The following CEP135 variants were observed in gnomAD, a reference collection of about 807,000 sequenced individuals.
CEP135 encodes the protein centrosomal protein of 135 kDa.
CEP135 carries 142 observed loss-of-function variants against 157.3 expected under a neutral mutation model. The observed-to-expected ratio is 0.90, with a 90% CI of 0.79 to 1.04. CEP135 has a LOEUF of 1.04. Among genes scored for constraint, CEP135 ranks in the 50% least tolerant of loss-of-function variants. CEP135 has a pLI of 0.00. For synonymous variants in CEP135, 396 were observed against 439.8 expected (o/e 0.90, Z 1.25); for missense variants, 1,317 against 1,309.2 (o/e 1.01, Z -0.09).
intron 3 of CEP135, among the ~76,000 whole-genome samples, chr4:55,953,652 A>G (rs1009526633): frequency 2.6e-5 from 4 of 152,246 alleles, no homozygotes; most frequent in African/African-American, 9.6e-5. Flanking sequence ...TTTAGAATTA[A>G]AAATTTAATT....
Position 55,983,726 on chromosome 4 carries a change from T to C in CEP135, c.1780-1555T>C, listed in dbSNP as rs1729485898. On this transcript the variant is annotated intron_variant, in intron 13 of 25. Coordinates refer to ENST00000257287, the MANE Select transcript of CEP135 (RefSeq NM_025009.5). ...TTAGTAGAGACAGGGTTTCATCATA[T>C]TGGCCAGCTGGTCTCAAACCCCTGA... Among the ~76,000 whole-genome samples the C allele has an allele frequency of 3.3e-5, 5 of 152,148 alleles. No homozygotes were observed. The South Asian group carries it at 6.2e-4, about 19-fold the overall frequency.
intron 21 of CEP135, among the ~76,000 whole-genome samples, chr4:56,014,111 G>A (rs1730686026): frequency 6.6e-6 from 1 of 152,162 alleles, no homozygotes; most frequent in South Asian, 2.1e-4. Context: ...GCCAACACCT[G>A]AATTTTGGAC....
At chr4:55,961,423 ACATATTC>A (rs1304391333) in intron 6 of CEP135, among the ~76,000 whole-genome samples, 1 of 152,088 alleles carries the variant, frequency 6.6e-6, no homozygotes, top group Non-Finnish European at 1.5e-5. Flanking sequence ...CTTTCTCAGC[ACATATTC>A]CAGATTTTGC....
chr4:55,976,080 T>A (rs1729202798), intron 11 of CEP135, among the ~76,000 whole-genome samples: 1 of 151,868 alleles, frequency 6.6e-6, no homozygotes, highest in African/African-American at 2.4e-5. Context: ...TGAGATGCCA[T>A]CTCTACAAAA....
intron 21 of CEP135, among the ~76,000 whole-genome samples, chr4:56,012,851 A>C (rs1252704594): frequency 2.6e-5 from 4 of 152,240 alleles, no homozygotes; most frequent in Non-Finnish European, 4.4e-5. Context: ...TGCTATGAAC[A>C]TGAGTATACA....
intron 21 of CEP135, among the ~76,000 whole-genome samples, chr4:56,015,503 G>GC (rs1287945773): frequency 2.6e-5 from 4 of 152,220 alleles, no homozygotes; most frequent in Non-Finnish European, 5.9e-5. Context: ...ACAGGGTGGG[G>GC]CCCCCCTGGC....
At chr4:55,950,011 T>G (rs1247731057) in intron 1 of CEP135, among the ~76,000 whole-genome samples, 1 of 152,232 alleles carries the variant, frequency 6.6e-6, no homozygotes, top group African/African-American at 2.4e-5. Flanking sequence ...GTTTACACCC[T>G]GCTAGTAATA....
At chr4:56,020,428 T>TTAC (rs1365516053) in intron 23 of CEP135, among the ~76,000 whole-genome samples, 64 of 152,216 alleles carry the variant, frequency 4.2e-4, no homozygotes, top group Non-Finnish European at 3.2e-4. Flanking sequence ...CATCTTGGTG[T>TTAC]TACCATTTAT....
chr4:55,986,255 G>A (rs1340451273), intron 14 of CEP135, among the ~76,000 whole-genome samples: 1 of 152,158 alleles, frequency 6.6e-6, no homozygotes, highest in Non-Finnish European at 1.5e-5. Flanking sequence ...AAATCATATA[G>A]GCCAGGCATA....
At position 55,956,341 on chromosome 4, in the gene CEP135, A is replaced by G. The variant is rs377023402; in HGVS notation, c.473-882A>G. Among the ~76,000 whole-genome samples the G allele has an allele frequency of 2.6e-5, 4 of 152,338 alleles. No individual in the cohort carries two copies. In the East Asian group the frequency reaches 7.7e-4, roughly 29 times the overall value. On this transcript the variant is annotated intron_variant, in intron 4 of 25. Coordinates refer to ENST00000257287, the MANE Select transcript of CEP135 (RefSeq NM_025009.5). ...AAATCCTTAAAGAGATAAATTGTCC[A>G]TGTATTTTTGACCAAGACAAGATAT...
At chr4:56,002,338 T>G (rs984262297) in intron 17 of CEP135, among the ~76,000 whole-genome samples, 15 of 152,112 alleles carry the variant, frequency 9.9e-5, no homozygotes, top group African/African-American at 3.4e-4. Flanking sequence ...GAGGAGAGGC[T>G]TTCAAGTTTT....
rs115646074 is a variant in CEP135, at chr4:56,017,816, A to G, written c.2971A>G (p.Met991Val). 3.9e-4 allele frequency: 633 copies of G among 1,613,402 alleles called. 5 individuals carry two copies. The African/African-American group carries it at 7.5e-3, about 19-fold the overall frequency. The part of the protein sequence containing the change: ...CIKLDSGKDI[M>V]TQQLNSKNLE... ...TAAACTTGATTCAGGCAAAGATATT[A>G]TGACCCAGCAATTGAATTCGAAAAA... The change falls in exon 22 of 26, where the codon ATG (methionine) becomes GTG (valine). Residue 991 changes from methionine to valine, a missense_variant. Coordinates refer to ENST00000257287, the MANE Select transcript of CEP135 (RefSeq NM_025009.5).
In CEP135 at chr4:55,969,510, C is replaced by G. The variant is rs1242931447; in HGVS notation, c.1110+382C>G. On this transcript the variant is annotated intron_variant, in intron 9 of 25. Transcript: ENST00000257287. ...CTCCTGACAACCACTAATCTACTTTCTGTTTCTGTAGATTTATCTATTCTG... is the reference window on the plus strand; with the variant it reads ...CTCCTGACAACCACTAATCTACTTTGTGTTTCTGTAGATTTATCTATTCTG... 2.7e-5 allele frequency among the ~76,000 whole-genome samples: 4 copies of G among 150,364 alleles called. No homozygotes were observed. The East Asian group carries it at 7.8e-4, about 29-fold the overall frequency.
At chr4:55,988,876 G>T (rs1175046102) in intron 14 of CEP135, among the ~76,000 whole-genome samples, 1 of 150,274 alleles carries the variant, frequency 6.7e-6, no homozygotes, top group East Asian at 2.0e-4. Flanking sequence ...CAGGAGAATG[G>T]CATGAACCTA....
At chr4:55,957,419 A>T (rs972796449) in intron 5 of CEP135, 55 bp downstream of exon 5, 28 of 1,552,760 alleles carry the variant, frequency 1.8e-5, no homozygotes, top group Non-Finnish European at 2.4e-5. Context: ...AATTAGCTGT[A>T]AGTTTCTTGA....
At chr4:55,974,469 T>G (rs1484936490) in intron 10 of CEP135, among the ~76,000 whole-genome samples, 2 of 152,204 alleles carry the variant, frequency 1.3e-5, no homozygotes, top group Non-Finnish European at 2.9e-5. Context: ...ATTTATTGCT[T>G]CATTTTGTAG....
intron 6 of CEP135, among the ~76,000 whole-genome samples, chr4:55,961,281 A>G (rs1728672339): frequency 6.6e-6 from 1 of 152,062 alleles, no homozygotes; most frequent in African/African-American, 2.4e-5. Context: ...CATCTCTGTG[A>G]GGTGGCTGAG....
chr4:56,009,796 G>C lies in CEP135; in HGVS notation c.2398G>C (p.Asp800His), dbSNP rs143195447. The change falls in exon 19 of 26, where the codon GAT becomes CAT. Residue 800 changes from aspartate (D) to histidine (H), a missense_variant. Physicochemically the swap from Asp to His is moderately conservative, Grantham distance 81. Transcript: ENST00000257287. ...GATAAACAGCCTCCGGCGCCAGCTT[G>C]ATGCAGCTCACAAAGAACTCGATGA... ...REINSLRRQLDAAHKELDEVG... is the reference protein window; with the variant it reads ...REINSLRRQLHAAHKELDEVG... 3.0e-4 allele frequency: 477 copies of C among 1,614,048 alleles called. 4 individuals are homozygous for C. The African/African-American group carries it at 5.4e-3, about 18-fold the overall frequency.
intron 11 of CEP135, among the ~76,000 whole-genome samples, chr4:55,977,767 T>C (rs895822953): frequency 3.3e-5 from 5 of 152,208 alleles, no homozygotes; most frequent in Non-Finnish European, 7.3e-5. Flanking sequence ...AATAGCTCAT[T>C]AAAACATTCC....
Sources: allele counts gnomAD v4.1 joint callset (sites outside exome capture counted in the v4.1 genomes callset), GRCh38; gene constraint gnomAD v4.1.1; transcripts MANE v1.5; gene names NCBI Gene and HGNC (gene_info 2026-07-23, HGNC 2026-07-21).